Variants in ACACA observed in about 807,000 individuals in gnomAD.
ACACA encodes the protein acetyl-CoA carboxylase alpha, also known as acetyl-CoA carboxylase 1.
ACACA carries 103 observed loss-of-function variants against 296.1 expected under a neutral mutation model. The observed-to-expected ratio is 0.35, with a 90% CI of 0.30 to 0.41. ACACA has a LOEUF of 0.41. Among genes scored for constraint, ACACA ranks in the 10% least tolerant of loss-of-function variants. The pLI, the probability that ACACA is intolerant of heterozygous loss-of-function variation, is 1.00. For synonymous variants in ACACA, 953 were observed against 1,038.6 expected, an observed-to-expected ratio of 0.92 and a Z score of 1.58; for missense variants, 1,554 against 2,989.7, an observed-to-expected ratio of 0.52 and a Z score of 11.20.
At chr17:37,183,517 T>C (rs2077401435) in intron 39 of ACACA, among the ~76,000 whole-genome samples, 1 of 152,150 alleles carries the variant, frequency 6.6e-6, no homozygotes, top group African/African-American at 2.4e-5. Context: ...CAACAGGTTA[T>C]CTTGGAAAAT....
chr17:37,200,086 T>C lies in ACACA; in HGVS notation c.4158+53A>G, dbSNP rs1241529820. On this transcript the variant is annotated intron_variant, in intron 35 of 55. Coordinates refer to ENST00000616317, the MANE Select transcript of ACACA (RefSeq NM_198834.3). Reference sequence around the variant, plus strand: ...ACATATATTCTGGTTAAATAATCAGTGGCAGACAAATAAAACAGTAAGTAA... The same window carrying C: ...ACATATATTCTGGTTAAATAATCAGCGGCAGACAAATAAAACAGTAAGTAA... The C allele has an allele frequency of 6.1e-6, 8 of 1,315,132 alleles. No homozygotes were observed. The African/African-American group carries it at 1.0e-4, about 17-fold the overall frequency. The allele number at this position is 1,315,132 out of a possible 1,614,324, so 81.5% of individuals were successfully genotyped here. A position where few individuals can be genotyped will look rare whatever the true frequency, so the allele number is the denominator to read the frequency against.
intron 10 of ACACA, among the ~76,000 whole-genome samples, chr17:37,267,237 TGCAGCTATAGTCATCTG>T (rs2081824886): frequency 6.6e-6 from 1 of 152,234 alleles, no homozygotes; most frequent in Non-Finnish European, 1.5e-5. Flanking sequence ...GAGTAATTCA[TGCAGCTATAGTCATCTG>T]GCAGCTCAAC....
At chr17:37,270,624 A>G (rs769738847) in intron 10 of ACACA, 127 bp downstream of exon 10, 2 of 734,958 alleles carry the variant, frequency 2.7e-6, no homozygotes, top group Non-Finnish European at 4.7e-6. Context: ...CTAGAGAGAA[A>G]GACAGTTAGC....
intron 11 of ACACA, among the ~76,000 whole-genome samples, chr17:37,260,275 TATATATATATATATA>T (rs2081412305): frequency 6.3e-5 from 2 of 31,702 alleles, no homozygotes; most frequent in East Asian, 2.0e-3. Context: ...TATATATATA[TATATATATATATATA>T]TATATATTTT....
chr17:37,202,556 A>C (rs2078295011), intron 33 of ACACA, among the ~76,000 whole-genome samples: 1 of 151,524 alleles, frequency 6.6e-6, no homozygotes, highest in African/African-American at 2.4e-5. Context: ...TGTGCCTTAA[A>C]AAAAAAAACT....
At chr17:37,330,542 GAA>G in intron 2 of ACACA, 117 bp from the exon 3 acceptor site, 1 of 1,300,646 alleles carries the variant, frequency 7.7e-7, no homozygotes, top group Admixed American at 1.8e-5. Flanking sequence ...GGCAATTTGA[GAA>G]CTAACTTCCT....
chr17:37,146,515 T>C (rs1322917640), intron 45 of ACACA, among the ~76,000 whole-genome samples: 2 of 152,084 alleles, frequency 1.3e-5, no homozygotes, highest in Admixed American at 6.6e-5. Flanking sequence ...AAAGTTTTCA[T>C]TAAAATTTTA....
intron 3 of ACACA, among the ~76,000 whole-genome samples, chr17:37,301,168 C>T (rs901080589): frequency 6.6e-6 from 1 of 152,106 alleles, no homozygotes. Context: ...TTCCTTTCAC[C>T]AAACGGATCT....
intron 38 of ACACA, 65 bp from the exon 39 acceptor site, chr17:37,188,545 T>TTA: frequency 1.3e-6 from 2 of 1,554,416 alleles, no homozygotes; most frequent in Non-Finnish European, 1.8e-6. Flanking sequence ...GTTTCAGGTC[T>TTA]GCTCATATTT....
rs1598205839 is a variant in ACACA, at chr17:37,216,159, A to ACCC, written c.3683+5564_3683+5565insGGG. 9.3e-3 allele frequency among the ~76,000 whole-genome samples: 847 copies of ACCC among 90,856 alleles called. 7 individuals are homozygous for ACCC. Among genetic ancestry groups the ACCC allele is most frequent in the African/African-American group, 0.03 (806 of 26,732 alleles). The allele number at this position is 90,856 out of a possible 152,430, so 59.6% of individuals were successfully genotyped here. A position where few individuals can be genotyped will look rare whatever the true frequency, so the allele number is the denominator to read the frequency against. Reference sequence around the variant, plus strand: ...ACACACACACACACACACACACACAACATACACATGTTACATATACATACA... The same window carrying ACCC: ...ACACACACACACACACACACACACAACCCCATACACATGTTACATATACATACA... On this transcript the variant is annotated intron_variant, in intron 29 of 55. Coordinates refer to ENST00000616317, the MANE Select transcript of ACACA (RefSeq NM_198834.3).
intron 19 of ACACA, 70 bp downstream of exon 19, chr17:37,246,756 T>C: frequency 6.3e-7 from 1 of 1,584,946 alleles, no homozygotes. Flanking sequence ...TTTTCAGTCC[T>C]AGTCCATCCC....
chr17:37,215,493 C>T (rs908541004), intron 29 of ACACA, among the ~76,000 whole-genome samples: 1 of 152,106 alleles, frequency 6.6e-6, no homozygotes, highest in East Asian at 1.9e-4. Flanking sequence ...TATACAGAGT[C>T]ATATGCATAG....
At chr17:37,406,177 A>T (rs2051497841) in intron 1 of ACACA, 85 bp downstream of exon 1, 1 of 1,471,374 alleles carries the variant, frequency 6.8e-7, no homozygotes, top group Non-Finnish European at 9.5e-7. Context: ...TGCTTTGTGC[A>T]ATGTCTGGCA....
At chr17:37,206,221 G>T (rs916800749) in intron 32 of ACACA, among the ~76,000 whole-genome samples, 4 of 152,116 alleles carry the variant, frequency 2.6e-5, no homozygotes, top group Non-Finnish European at 4.4e-5. Flanking sequence ...GAAGGAAAAT[G>T]AGTGATATAA....
intron 45 of ACACA, chr17:37,141,342 C>T (rs993403593): frequency 6.5e-6 from 3 of 461,310 alleles, no homozygotes; most frequent in Non-Finnish European, 1.3e-5. Flanking sequence ...GGGGCCCAGG[C>T]CCTGTTCACG....
chr17:37,263,261 T>G (rs1382549349), intron 11 of ACACA, among the ~76,000 whole-genome samples: 1 of 152,158 alleles, frequency 6.6e-6, no homozygotes, highest in East Asian at 1.9e-4. Context: ...TACAAAAAGA[T>G]AGAATGTGTG....
intron 3 of ACACA, among the ~76,000 whole-genome samples, chr17:37,290,208 C>T (rs548576371): frequency 3.9e-5 from 6 of 152,152 alleles, no homozygotes; most frequent in South Asian, 2.1e-4. Context: ...CCACCACGCT[C>T]GACTAATTTT....
chr17:37,216,147 CACACACACACAA>C (rs1477836132), intron 29 of ACACA, among the ~76,000 whole-genome samples: 5 of 135,904 alleles, frequency 3.7e-5, no homozygotes, highest in African/African-American at 1.4e-4. Context: ...CACACACACA[CACACACACACAA>C]CATACACATG....
At chr17:37,180,907 C>A (rs1466109683) in intron 40 of ACACA, among the ~76,000 whole-genome samples, 1 of 152,166 alleles carries the variant, frequency 6.6e-6, no homozygotes, top group Non-Finnish European at 1.5e-5. Context: ...ACAGGTAACT[C>A]TTCACACAAG....
Sources: gnomAD v4.1 joint callset for allele counts (sites outside exome capture counted in the v4.1 genomes callset) on GRCh38, gnomAD v4.1.1 for gene constraint, MANE v1.5 for transcripts, NCBI Gene and HGNC (gene_info 2026-07-23, HGNC 2026-07-21) for gene names.